Variants in HS2ST1 observed in about 807,000 individuals in gnomAD.
HS2ST1 encodes 2-O-sulfotransferase.
In HS2ST1, 18 loss-of-function variants were observed where a neutral mutation model predicts 42.9. The observed-to-expected ratio is 0.42, with a 90% CI of 0.29 to 0.62. HS2ST1 has a LOEUF of 0.62. HS2ST1 is among the 20% of genes least tolerant of loss of function. The pLI is 0.21. For missense variants in HS2ST1, 334 were observed against 433.8 expected, an observed-to-expected ratio of 0.77 and a Z score of 2.04; for synonymous variants, 146 against 152.9, an observed-to-expected ratio of 0.95 and a Z score of 0.33.
At chr1:86,984,585 T>A (rs1648699690) in intron 1 of HS2ST1, among the ~76,000 whole-genome samples, 1 of 152,058 alleles carries the variant, frequency 6.6e-6, no homozygotes, top group Admixed American at 6.6e-5. Context: ...GTGATTTAAA[T>A]GTTTAAAAGA....
At chr1:87,013,554 C>G (rs548240387) in intron 1 of HS2ST1, among the ~76,000 whole-genome samples, 1 of 152,352 alleles carries the variant, frequency 6.6e-6, no homozygotes, top group Admixed American at 6.5e-5. Flanking sequence ...ATGTCATGCC[C>G]TGGAGACATT....
rs539487238 is a variant in HS2ST1, at chr1:86,964,510, C to T, written c.124+49350C>T. ...AAAACCAGTCAGGCGTGGCGGCACG[C>T]GCCTGCAATCGCAGGCACTGGGCAG... On this transcript the variant is annotated intron_variant, in intron 1 of 6. Coordinates refer to ENST00000370550, the MANE Select transcript of HS2ST1 (RefSeq NM_012262.4). Among the ~76,000 whole-genome samples, 8 of 152,298 alleles carry T rather than the reference C, an allele frequency of 5.3e-5. 1 individual carries two copies. The highest frequency in any genetic ancestry group is 3.9e-4 in the East Asian group (2 of 5,186).
chr1:87,090,631 C>A (rs1651916553), intron 3 of HS2ST1, among the ~76,000 whole-genome samples: 1 of 152,000 alleles, frequency 6.6e-6, no homozygotes, highest in East Asian at 1.9e-4. Context: ...CAGCCAATGA[C>A]CTTTTAATAT....
At chr1:86,959,698 T>C (rs962723180) in intron 1 of HS2ST1, among the ~76,000 whole-genome samples, 1 of 152,158 alleles carries the variant, frequency 6.6e-6, no homozygotes, top group Non-Finnish European at 1.5e-5. Context: ...CAATACCATT[T>C]ATATTAGCAC....
At chr1:86,920,877 A>T (rs1256162198) in intron 1 of HS2ST1, among the ~76,000 whole-genome samples, 1 of 152,140 alleles carries the variant, frequency 6.6e-6, no homozygotes, top group Non-Finnish European at 1.5e-5. Flanking sequence ...TTACCTAAAG[A>T]CATGGTTCCC....
chr1:86,933,731 T>C (rs1419260450), intron 1 of HS2ST1, among the ~76,000 whole-genome samples: 1 of 142,126 alleles, frequency 7.0e-6, no homozygotes, highest in Non-Finnish European at 1.5e-5. Flanking sequence ...TTTGATAAGC[T>C]GGATGTGACA....
intron 1 of HS2ST1, among the ~76,000 whole-genome samples, chr1:87,011,357 C>T (rs1487115630): frequency 6.6e-6 from 1 of 152,036 alleles, no homozygotes; most frequent in East Asian, 1.9e-4. Context: ...AGCAATTCTG[C>T]CTCTGCCTCC....
intron 1 of HS2ST1, among the ~76,000 whole-genome samples, chr1:87,012,378 G>A (rs1416019695): frequency 6.6e-6 from 1 of 152,142 alleles, no homozygotes; most frequent in Admixed American, 6.5e-5. Flanking sequence ...AAGCAAGAGA[G>A]CTTGTGCAGG....
chr1:86,946,348 G>A (rs1647336724), intron 1 of HS2ST1, among the ~76,000 whole-genome samples: 1 of 152,140 alleles, frequency 6.6e-6, no homozygotes, highest in South Asian at 2.1e-4. Context: ...GGCAAATGAA[G>A]CACTTTTGAA....
Position 86,985,368 on chromosome 1 carries a change from G to GTATATA in HS2ST1, c.124+70219_124+70224dup, listed in dbSNP as rs1553135008. ...ACTTGTATCAAAAAAAAAAAAAAAAGTATATATATATATATACACACACAC... is the reference window on the plus strand; with the variant it reads ...ACTTGTATCAAAAAAAAAAAAAAAAGTATATATATATATATATATATACACACACAC... On this transcript the variant is annotated intron_variant, in intron 1 of 6. Coordinates refer to ENST00000370550, the MANE Select transcript of HS2ST1 (RefSeq NM_012262.4). Among the ~76,000 whole-genome samples, 26 of 26,944 alleles carry GTATATA rather than the reference G, an allele frequency of 9.6e-4. 7 individuals are homozygous for GTATATA. The highest frequency in any genetic ancestry group is 2.0e-3 in the African/African-American group (25 of 12,378). The allele number at this position is 26,944 out of a possible 152,430, so 17.7% of individuals were successfully genotyped here.
chr1:87,033,936 C>T (rs1359293800), intron 1 of HS2ST1, among the ~76,000 whole-genome samples: 1 of 152,116 alleles, frequency 6.6e-6, no homozygotes, highest in Admixed American at 6.5e-5. Context: ...CCACAGTGAG[C>T]AATGATGAGC....
intron 1 of HS2ST1, among the ~76,000 whole-genome samples, chr1:87,032,008 A>T (rs1650251885): frequency 6.6e-6 from 1 of 152,240 alleles, no homozygotes; most frequent in African/African-American, 2.4e-5. Context: ...AGATAATTGA[A>T]TTACACATGG....
intron 1 of HS2ST1, among the ~76,000 whole-genome samples, chr1:86,975,169 G>C (rs1385169665): frequency 6.6e-6 from 1 of 151,852 alleles, no homozygotes; most frequent in Non-Finnish European, 1.5e-5. Context: ...CAAAGACTTT[G>C]GTAGAGAAAA....
At chr1:86,944,965 A>G (rs1438750132) in intron 1 of HS2ST1, among the ~76,000 whole-genome samples, 2 of 151,604 alleles carry the variant, frequency 1.3e-5, no homozygotes, top group Non-Finnish European at 2.9e-5. Flanking sequence ...GCCTATTTCT[A>G]ATTTGCAACC....
At chr1:86,951,770 G>A (rs751404848) in intron 1 of HS2ST1, among the ~76,000 whole-genome samples, 1 of 152,220 alleles carries the variant, frequency 6.6e-6, no homozygotes, top group Non-Finnish European at 1.5e-5. Flanking sequence ...CAAAATTGGA[G>A]TCAATCTCAA....
At chr1:87,066,874 A>C (rs1651264074) in intron 1 of HS2ST1, among the ~76,000 whole-genome samples, 1 of 152,056 alleles carries the variant, frequency 6.6e-6, no homozygotes, top group Non-Finnish European at 1.5e-5. Context: ...TTTCAGCTTT[A>C]TCCATGTCCC....
chr1:87,043,646 G>A (rs1235154322), intron 1 of HS2ST1, among the ~76,000 whole-genome samples: 1 of 152,040 alleles, frequency 6.6e-6, no homozygotes, highest in Non-Finnish European at 1.5e-5. Flanking sequence ...CTTAAGTGTG[G>A]TTGTTTGGAA....
chr1:87,055,644 G>T (rs1650947266), intron 1 of HS2ST1, among the ~76,000 whole-genome samples: 1 of 152,184 alleles, frequency 6.6e-6, no homozygotes, highest in Admixed American at 6.5e-5. Context: ...GTACCATAGG[G>T]ATGCTTAAGA....
At chr1:87,065,193 G>A (rs1278458207) in intron 1 of HS2ST1, among the ~76,000 whole-genome samples, 9 of 152,108 alleles carry the variant, frequency 5.9e-5, no homozygotes, top group African/African-American at 2.2e-4. Flanking sequence ...TCATTTTATG[G>A]GGAATGAGTT....
Sources: allele counts gnomAD v4.1 joint callset (sites outside exome capture counted in the v4.1 genomes callset), GRCh38; gene constraint gnomAD v4.1.1; transcripts MANE v1.5; gene names NCBI Gene and HGNC (gene_info 2026-07-23, HGNC 2026-07-21).